The following BSND variants were observed in gnomAD, a reference collection of about 807,000 sequenced individuals.
BSND encodes the protein barttin.
BSND carries 13 observed loss-of-function variants against 18.8 expected under a neutral mutation model. The observed-to-expected ratio is 0.69, with a 90% confidence interval of 0.45 to 1.10. BSND has a LOEUF of 1.10. Among genes scored for constraint, BSND ranks in the 50% least tolerant of loss-of-function variants. The probability of loss-of-function intolerance (pLI) is 0.00; values close to 1 mark genes in which losing one functional copy is unlikely to be tolerated. For synonymous variants in BSND, 170 were observed against 161.8 expected (o/e 1.05, Z -0.39); for missense variants, 379 against 416.7 (o/e 0.91, Z 0.79).
At position 55,009,182 on chromosome 1, in the gene BSND, G is replaced by C. The variant is rs1644408949; in HGVS notation, c.*554G>C. The C allele has an allele frequency of 5.9e-6, 1 of 170,112 alleles. No homozygotes were observed. Among genetic ancestry groups the C allele is most frequent in the African/African-American group, 2.4e-5 (1 of 41,600 alleles). The allele number at this position is 170,112 out of a possible 1,614,324, so 10.5% of individuals were successfully genotyped here. On this transcript the variant is annotated 3_prime_UTR_variant, in exon 4 of 4. Coordinates refer to ENST00000651561, the MANE Select transcript of BSND (RefSeq NM_057176.3). ...CTCCAGTTCCAAGCCTAGCCCCCCT[G>C]CCCATCTTGCGGCTCACACTCTTGC...
rs532738229 is a variant in BSND at position 55,007,240 on chromosome 1, A to T, written c.516A>T (p.Glu172Asp). The change falls in exon 3 of 4, where the codon GAA becomes GAT. Residue 172 changes from glutamate (E) to aspartate (D), a missense_variant. By Grantham distance (45) the Glu-to-Asp change is conservative. Coordinates refer to ENST00000651561, the MANE Select transcript of BSND (RefSeq NM_057176.3). ...VVIHKGSDES[E>D]GERRLTQSWP... ...TCCACAAGGGCTCAGACGAGAGTGA[A>T]GGGGAAAGACGCCTAACTCAGAGCT... The T allele has an allele frequency of 5.9e-5, 95 of 1,610,008 alleles. 1 individual carries two copies. The South Asian group carries it at 9.6e-4, about 16-fold the overall frequency.
intron 1 of BSND, among the ~76,000 whole-genome samples, chr1:55,002,432 C>A: frequency 6.6e-6 from 1 of 152,370 alleles, no homozygotes; most frequent in East Asian, 1.9e-4. Context: ...CCATTCCTCA[C>A]TCCTGCCTGC....
At chr1:55,004,254 T>A (rs1356489582) in intron 1 of BSND, among the ~76,000 whole-genome samples, 1 of 152,276 alleles carries the variant, frequency 6.6e-6, no homozygotes, top group African/African-American at 2.4e-5. Context: ...TTGGGTTGCA[T>A]CTACCTCTTG....
rs538037912 is a variant in BSND at position 55,001,599 on chromosome 1, G to T, written c.177+2236G>T. Among the ~76,000 whole-genome samples the T allele has an allele frequency of 4.6e-5, 7 of 152,262 alleles. No individual in the cohort carries two copies. In the South Asian group the frequency reaches 1.5e-3, roughly 32 times the overall value. On this transcript the variant is annotated intron_variant, in intron 1 of 3. Coordinates refer to ENST00000651561, the MANE Select transcript of BSND (RefSeq NM_057176.3). Reference sequence around the variant, plus strand: ...TATGGAAAGTTTTGATAAATGGGGAGATATAAATATAAGGGAATAGAATTA... The same window carrying T: ...TATGGAAAGTTTTGATAAATGGGGATATATAAATATAAGGGAATAGAATTA...
chr1:55,006,970 G>A (rs201095656), intron 2 of BSND, 27 bp from the exon 3 acceptor site: 15 of 1,613,204 alleles, frequency 9.3e-6, no homozygotes, highest in East Asian at 4.5e-5. Context: ...ACTCTTTGCC[G>A]CCTGCCTGTT....
chr1:55,001,537 C>T (rs990723845), intron 1 of BSND, among the ~76,000 whole-genome samples: 3 of 152,128 alleles, frequency 2.0e-5, no homozygotes, highest in Non-Finnish European at 4.4e-5. Context: ...GCCTGTCCTC[C>T]CCTCAGCCTC....
chr1:55,006,863 G>A (rs1644393781), intron 2 of BSND, 134 bp from the exon 3 acceptor site: 7 of 1,308,504 alleles, frequency 5.3e-6, no homozygotes, highest in Non-Finnish European at 7.6e-6. Context: ...CCCTGAAACG[G>A]GCGCAGTAAC....
Position 55,008,493 on chromosome 1 carries a change from G to A in BSND, c.828G>A (p.Glu276=). 1.2e-6 allele frequency: 2 copies of A among 1,614,220 alleles called. No homozygotes were observed. Among genetic ancestry groups the A allele is most frequent in the Non-Finnish European group, 1.7e-6 (2 of 1,180,034 alleles). ...AGCGGTACCCAAGGACAAAGGTGGA[G>A]GAGAAGGAGGCTTCGGACACAGGTG... ...NWQRYPRTKV[E]EKEASDTGGE... The change falls in exon 4 of 4, where the codon GAG becomes GAA. Residue 276 remains glutamate (E), a synonymous_variant. Transcript: ENST00000651561.
At chr1:55,000,687 C>T (rs1020569686) in intron 1 of BSND, among the ~76,000 whole-genome samples, 8 of 152,238 alleles carry the variant, frequency 5.3e-5, no homozygotes, top group South Asian at 2.1e-4. Flanking sequence ...AGTGCTGGAG[C>T]GGTCTGGGCT....
At chr1:54,999,473 TTCTCATTTTGACTCGGTCTTC>T in intron 1 of BSND, 110 bp downstream of exon 1, 2 of 1,198,774 alleles carry the variant, frequency 1.7e-6, no homozygotes, top group South Asian at 3.1e-5. Context: ...CTTTTCATTC[TTCTCATTTTGACTCGGTCTTC>T]TCTCTGCTCT....
chr1:55,000,649 G>T (rs1473002593), intron 1 of BSND, among the ~76,000 whole-genome samples: 1 of 152,244 alleles, frequency 6.6e-6, no homozygotes, highest in Non-Finnish European at 1.5e-5. Context: ...CCCCCTCCAC[G>T]GGCCAACCCT....
chr1:55,005,157 A>G, intron 2 of BSND, 41 bp downstream of exon 2: 1 of 1,583,502 alleles, frequency 6.3e-7, no homozygotes, highest in Non-Finnish European at 8.7e-7. Context: ...AGTAAGCCCC[A>G]TAGGCCAGTC....
Position 55,013,899 on chromosome 1 carries a change from C to A in BSND, c.*5271C>A, listed in dbSNP as rs1012018953. Among the ~76,000 whole-genome samples, 3 of 152,222 alleles carry A rather than the reference C, an allele frequency of 2.0e-5. No homozygotes were observed. Among genetic ancestry groups the A allele is most frequent in the African/African-American group, 7.2e-5 (3 of 41,452 alleles). On this transcript the variant is annotated 3_prime_UTR_variant, in exon 4 of 4. Transcript: ENST00000651561. ...GCCTTGGCTCATGCTGTTCCCTCCA[C>A]CCAGGTGCCCTTCATCCCCTTCTCT...
At chr1:55,006,876 C>T in intron 2 of BSND, 121 bp from the exon 3 acceptor site, 3 of 1,436,302 alleles carry the variant, frequency 2.1e-6, no homozygotes, top group South Asian at 2.4e-5. Context: ...GCAGTAACAT[C>T]CCCCAAAGGC....
chr1:54,999,478 A>G, intron 1 of BSND, 115 bp downstream of exon 1: 1 of 1,126,660 alleles, frequency 8.9e-7, no homozygotes, highest in Non-Finnish European at 1.2e-6. Context: ...CATTCTTCTC[A>G]TTTTGACTCG....
In BSND at chr1:55,014,479, G is replaced by A. The variant is rs556029597; in HGVS notation, c.*5851G>A. 2.3e-4 allele frequency among the ~76,000 whole-genome samples: 35 copies of A among 152,344 alleles called. No homozygotes were observed. The highest frequency in any genetic ancestry group is 7.7e-4 in the African/African-American group (32 of 41,576). ...GTAGCATGTGCCTAGCACCTGGTGA[G>A]CCCCCAGTAAAGTCAGTTATCATTG... On this transcript the variant is annotated 3_prime_UTR_variant, in exon 4 of 4. Transcript: ENST00000651561.
rs757030917 is a variant in BSND at position 55,008,481 on chromosome 1, G to A, written c.816G>A (p.Arg272=). Residue 272 remains arginine, a synonymous_variant, in exon 4 of 4, where the codon AGG becomes AGA. Coordinates refer to ENST00000651561, the MANE Select transcript of BSND (RefSeq NM_057176.3). ...CCAACAACTGGCAGCGGTACCCAAG[G>A]ACAAAGGTGGAGGAGAAGGAGGCTT... ...ALPNNWQRYP[R]TKVEEKEASD... is the part of the protein sequence containing the mutation. 1.2e-6 allele frequency: 2 copies of A among 1,614,228 alleles called. No homozygotes were observed. The highest frequency in any genetic ancestry group is 1.7e-6 in the Non-Finnish European group (2 of 1,180,030).
chr1:55,016,636 G>A lies in BSND; in HGVS notation c.*8008G>A, dbSNP rs941310696. ...TGTTGTTTTGAGACAAGGTCTTGCC[G>A]TATTGCTTAGGCTGGTCTCAAACTC... is the stretch of plus-strand genomic sequence containing the variant. On this transcript the variant is annotated 3_prime_UTR_variant, in exon 4 of 4. Coordinates refer to ENST00000651561, the MANE Select transcript of BSND (RefSeq NM_057176.3). Among the ~76,000 whole-genome samples, 4 of 152,044 alleles carry A rather than the reference G, an allele frequency of 2.6e-5. No homozygotes were observed. Among genetic ancestry groups the A allele is most frequent in the African/African-American group, 4.8e-5 (2 of 41,364 alleles).
At chr1:55,004,003 C>T (rs1332446521) in intron 1 of BSND, among the ~76,000 whole-genome samples, 1 of 152,180 alleles carries the variant, frequency 6.6e-6, no homozygotes, top group Non-Finnish European at 1.5e-5. Context: ...TCACAATTCC[C>T]CATTATCCCA....
Sources: gnomAD v4.1 joint callset for allele counts (sites outside exome capture counted in the v4.1 genomes callset) on GRCh38, gnomAD v4.1.1 for gene constraint, MANE v1.5 for transcripts, NCBI Gene and HGNC (gene_info 2026-07-23, HGNC 2026-07-21) for gene names.